The following CCAR1 variants were observed in gnomAD, a reference collection of about 807,000 sequenced individuals.
CCAR1 encodes cell division cycle and apoptosis regulator protein 1.
CCAR1 carries 78 observed loss-of-function variants against 163.8 expected under a neutral mutation model. The ratio of observed to expected loss-of-function variants is 0.48; its 90% CI spans 0.40 to 0.57. The LOEUF is 0.57. Ranked by LOEUF, CCAR1 falls within the 20% of genes least tolerant of loss-of-function variation. The pLI is 0.00. For missense variants in CCAR1, 1,019 were observed against 1,365.2 expected (o/e 0.75, Z 4.00); for synonymous variants, 443 against 460.7 (o/e 0.96, Z 0.49).
intron 6 of CCAR1, among the ~76,000 whole-genome samples, chr10:68,743,896 C>T (rs935176276): frequency 6.6e-6 from 1 of 152,058 alleles, no homozygotes; most frequent in Non-Finnish European, 1.5e-5. Flanking sequence ...ATTATAGGTG[C>T]CTGCCACCAC....
chr10:68,773,815 T>C (rs2056630641), intron 19 of CCAR1, among the ~76,000 whole-genome samples: 1 of 152,106 alleles, frequency 6.6e-6, no homozygotes, highest in Non-Finnish European at 1.5e-5. Context: ...AGGCTCAGTA[T>C]GATCCTCTCA....
Position 68,765,910 on chromosome 10 carries a change from A to G in CCAR1, c.2129A>G (p.Glu710Gly). The change falls in exon 17 of 25, where the codon GAG (glutamate) becomes GGG (glycine). Residue 710 changes from glutamate to glycine, a missense_variant. By Grantham distance (98) the Glu-to-Gly change is moderately conservative (BLOSUM62 -2). Around this residue, in one of 4 missense-constraint regions of CCAR1, gnomAD observed 644 missense variants for 904.4 expected, o/e 0.71. Coordinates refer to ENST00000265872, the MANE Select transcript of CCAR1 (RefSeq NM_018237.4). ...DKEEEERKRQ[E>G]EIERQRRERR... ...TAGGAAGAAGAAAGGAAACGTCAAG[A>G]GGAAATAGAACGCCAGCGTCGAGAA... The G allele has an allele frequency of 6.2e-7, 1 of 1,612,872 alleles. No homozygotes were observed. Among genetic ancestry groups the G allele is most frequent in the Non-Finnish European group, 8.5e-7 (1 of 1,179,602 alleles).
intron 2 of CCAR1, among the ~76,000 whole-genome samples, chr10:68,735,153 G>A (rs1485082827): frequency 2.0e-5 from 3 of 152,134 alleles, no homozygotes; most frequent in African/African-American, 7.2e-5. Context: ...TTCGAGACCA[G>A]CCTGGGAAAC....
chr10:68,771,624 A>T (rs2056603448), intron 18 of CCAR1, among the ~76,000 whole-genome samples, 179 bp downstream of exon 18: 1 of 152,068 alleles, frequency 6.6e-6, no homozygotes, highest in Non-Finnish European at 1.5e-5. Context: ...TCCACTAAAG[A>T]TCCAAAAAAT....
chr10:68,724,560 G>T (rs867665731), intron 2 of CCAR1, among the ~76,000 whole-genome samples: 7 of 152,046 alleles, frequency 4.6e-5, no homozygotes, highest in African/African-American at 9.7e-5. Context: ...AAAGTGCTGG[G>T]ATTACAGGTG....
chr10:68,786,274 CAT>C (rs1202604938), intron 20 of CCAR1, 56 bp downstream of exon 20: 1 of 1,214,148 alleles, frequency 8.2e-7, no homozygotes, highest in Non-Finnish European at 1.2e-6. Context: ...ATCATCTAAA[CAT>C]AACACAGTTG....
intron 2 of CCAR1, among the ~76,000 whole-genome samples, chr10:68,732,325 T>C (rs2056051081): frequency 6.6e-6 from 1 of 151,998 alleles, no homozygotes; most frequent in African/African-American, 2.4e-5. Flanking sequence ...TTTTTTCTAT[T>C]ACCAGAACAG....
chr10:68,778,103 A>G (rs1199291308), intron 19 of CCAR1, among the ~76,000 whole-genome samples: 1 of 151,238 alleles, frequency 6.6e-6, no homozygotes, highest in Non-Finnish European at 1.5e-5. Flanking sequence ...GTTATCCCAG[A>G]TACTCAGGAG....
At chr10:68,784,992 A>G (rs1383667547) in intron 19 of CCAR1, among the ~76,000 whole-genome samples, 1 of 142,864 alleles carries the variant, frequency 7.0e-6, no homozygotes, top group Non-Finnish European at 1.5e-5. Context: ...ATCTCGGCTC[A>G]CTACAAGCTC....
chr10:68,737,121 T>A, intron 3 of CCAR1, 73 bp downstream of exon 3: 1 of 960,630 alleles, frequency 1.0e-6, no homozygotes, highest in Non-Finnish European at 1.6e-6. Flanking sequence ...ATTGCTACCT[T>A]CATTTTACAG....
At chr10:68,748,979 G>T (rs1044766398) in intron 8 of CCAR1, among the ~76,000 whole-genome samples, 157 bp from the exon 9 acceptor site, 12 of 152,080 alleles carry the variant, frequency 7.9e-5, no homozygotes, top group Admixed American at 1.3e-4. Context: ...CAGCCGGCCA[G>T]TACCTATTCT....
At chr10:68,764,470 G>A (rs897569398) in intron 16 of CCAR1, among the ~76,000 whole-genome samples, 5 of 151,752 alleles carry the variant, frequency 3.3e-5, no homozygotes, top group African/African-American at 1.2e-4. Context: ...GGAGGTCAAC[G>A]CTATTTGTGA....
At chr10:68,722,413 T>C in intron 1 of CCAR1, 42 bp from the exon 2 acceptor site, 1 of 950,264 alleles carries the variant, frequency 1.1e-6, no homozygotes, top group Non-Finnish European at 1.7e-6. Flanking sequence ...GTGATATCTG[T>C]AGCTTGGTTG....
At chr10:68,758,972 C>T (rs181361793) in intron 15 of CCAR1, among the ~76,000 whole-genome samples, 3 of 152,030 alleles carry the variant, frequency 2.0e-5, no homozygotes, top group African/African-American at 7.2e-5. Flanking sequence ...TCCCCTGGCC[C>T]GCTGTCATTC....
chr10:68,733,275 G>A (rs531573425), intron 2 of CCAR1, among the ~76,000 whole-genome samples: 5 of 152,072 alleles, frequency 3.3e-5, no homozygotes, highest in African/African-American at 1.2e-4. Flanking sequence ...GTCAGGCATG[G>A]TGGAATGTGC....
intron 15 of CCAR1, among the ~76,000 whole-genome samples, chr10:68,759,081 A>C (rs2056436680): frequency 6.6e-6 from 1 of 151,592 alleles, no homozygotes; most frequent in Non-Finnish European, 1.5e-5. Context: ...GATCACTTCA[A>C]CCCAAGGATA....
At chr10:68,771,492 G>T in intron 18 of CCAR1, 47 bp downstream of exon 18, 1 of 1,464,044 alleles carries the variant, frequency 6.8e-7, no homozygotes, top group Non-Finnish European at 9.3e-7. Flanking sequence ...ACTCTTCTAG[G>T]TTATAAAGGT....
Position 68,789,791 on chromosome 10 carries a change from T to G in CCAR1, c.3269T>G (p.Leu1090Arg). The G allele has an allele frequency of 6.2e-7, 1 of 1,607,502 alleles. No individual in the cohort carries two copies. The highest frequency in any genetic ancestry group is 8.5e-7 in the Non-Finnish European group (1 of 1,177,130). The change falls in exon 24 of 25, where the codon CTT (leucine) becomes CGT (arginine). Residue 1090 changes from leucine to arginine, a missense_variant. Leu to Arg is a moderately radical substitution (Grantham distance 102). Coordinates refer to ENST00000265872, the MANE Select transcript of CCAR1 (RefSeq NM_018237.4). ...SGELREVKKD[L>R]SQLQENLKIS... is the part of the protein sequence containing the mutation. ...GAACTCAGAGAAGTTAAAAAGGACC[T>G]TAGTCAGTTACAAGAAAACTTAAAG...
chr10:68,775,330 GC>G (rs2056650815), intron 19 of CCAR1, among the ~76,000 whole-genome samples: 1 of 152,008 alleles, frequency 6.6e-6, no homozygotes, highest in Non-Finnish European at 1.5e-5. Flanking sequence ...TATTCATACA[GC>G]AGTGTTTATC....
Sources: gnomAD v4.1 joint callset for allele counts (sites outside exome capture counted in the v4.1 genomes callset) on GRCh38, gnomAD v4.1.1 for gene constraint, gnomAD v4.1.1 regional missense constraint, MANE v1.5 for transcripts, NCBI Gene and HGNC (gene_info 2026-07-23, HGNC 2026-07-21) for gene names.